TENM3: variants seen among roughly 807,000 people sequenced by gnomAD.
TENM3 encodes teneurin transmembrane protein 3, also known as teneurin-3.
TENM3 carries 63 observed loss-of-function variants against 255.1 expected under a neutral mutation model. The observed-to-expected ratio is 0.25, with a 90% CI of 0.20 to 0.30. TENM3 has a LOEUF of 0.30. TENM3 is among the 10% of genes least tolerant of loss of function. The pLI is 1.00. For missense variants in TENM3, 2,929 were observed against 3,461.1 expected, an observed-to-expected ratio of 0.85 and a Z score of 3.86; for synonymous variants, 1,306 against 1,322.3, an observed-to-expected ratio of 0.99 and a Z score of 0.27.
At chr4:181,816,134 C>T in the TENM3 span, among the ~76,000 whole-genome samples, 2 of 152,124 alleles carry the variant, frequency 1.3e-5, no homozygotes, top group Admixed American at 6.5e-5. Flanking sequence ...AACTATAAGA[C>T]GTTTCCACTC....
chr4:182,047,253 T>G, the TENM3 span, among the ~76,000 whole-genome samples: 2 of 152,164 alleles, frequency 1.3e-5, no homozygotes, highest in African/African-American at 4.8e-5. Flanking sequence ...TAGAAAAATC[T>G]CCATAAGTAT....
intron 24 of TENM3, among the ~76,000 whole-genome samples, chr4:182,784,104 C>T (rs1765407637): frequency 1.3e-5 from 2 of 152,352 alleles, no homozygotes; most frequent in Admixed American, 6.5e-5. Context: ...TGAGGAACTG[C>T]ATTCCTTTGG....
At chr4:181,522,998 T>G in the TENM3 span, 1 of 649,058 alleles carries the variant, frequency 1.5e-6, no homozygotes, top group Non-Finnish European at 3.0e-6. Flanking sequence ...GGGAACTCAA[T>G]GCATCAGTCC....
chr4:182,345,871 C>T (rs935893269), intron 2 of TENM3, among the ~76,000 whole-genome samples: 5 of 152,160 alleles, frequency 3.3e-5, no homozygotes, highest in Admixed American at 6.5e-5. Context: ...TTTTTAAATA[C>T]GTAATACTCC....
chr4:182,681,827 C>A lies in TENM3; in HGVS notation c.1848C>A (p.Asp616Glu), dbSNP rs534634333. The change falls in exon 11 of 28, where the codon GAC becomes GAA. Residue 616 changes from aspartate (D) to glutamate (E), a missense_variant. Asp to Glu is a conservative substitution (Grantham distance 45, BLOSUM62 2). Transcript: ENST00000511685. ...TCTTTACACCAGCTGACTGTATAGA[C>A]CCTGGGTGTTCTAATCATGGTGTGT... Reference protein sequence around the residue: ...GESCEEADCIDPGCSNHGVCI... With the variant: ...GESCEEADCIEPGCSNHGVCI... The A allele has an allele frequency of 1.1e-5, 18 of 1,613,252 alleles. No homozygotes were observed. The South Asian group carries it at 1.8e-4, about 16-fold the overall frequency.
chr4:182,554,107 A>G (rs1290764045), intron 3 of TENM3, among the ~76,000 whole-genome samples: 2 of 152,192 alleles, frequency 1.3e-5, no homozygotes, highest in Non-Finnish European at 2.9e-5. Flanking sequence ...CTAAAAAGGG[A>G]TAATAATTGC....
chr4:182,360,868 C>G (rs544315788), intron 3 of TENM3, among the ~76,000 whole-genome samples: 3 of 152,152 alleles, frequency 2.0e-5, no homozygotes, highest in African/African-American at 7.2e-5. Context: ...ACTAGTTGTT[C>G]CTTTCCATGT....
chr4:182,041,361 A>T, the TENM3 span, among the ~76,000 whole-genome samples: 37,576 of 151,888 alleles, frequency 0.25, 5,256 homozygotes, highest in African/African-American at 0.39. Context: ...ATTCTTCAAC[A>T]TTTCACTTTT....
chr4:182,083,626 A>G, the TENM3 span, among the ~76,000 whole-genome samples: 1 of 152,228 alleles, frequency 6.6e-6, no homozygotes, highest in Non-Finnish European at 1.5e-5. Flanking sequence ...AGAAATTTAC[A>G]TGTCAAATCA....
At chr4:182,352,617 A>T (rs1765258227) in intron 3 of TENM3, among the ~76,000 whole-genome samples, 1 of 152,186 alleles carries the variant, frequency 6.6e-6, no homozygotes, top group African/African-American at 2.4e-5. Flanking sequence ...AAAGGGTATA[A>T]CATTAAAGTG....
the TENM3 span, among the ~76,000 whole-genome samples, chr4:181,777,359 A>C: frequency 6.6e-6 from 1 of 152,046 alleles, no homozygotes; most frequent in Admixed American, 6.6e-5. Flanking sequence ...CTCCAGCTTC[A>C]TTCTTTTTGC....
At chr4:182,084,201 A>G in the TENM3 span, among the ~76,000 whole-genome samples, 164 of 152,284 alleles carry the variant, frequency 1.1e-3, no homozygotes, top group African/African-American at 3.8e-3. Context: ...CTGGGGGGAA[A>G]AAATAAGCTG....
At chr4:181,546,715 G>GAA in the TENM3 span, among the ~76,000 whole-genome samples, 508 of 93,498 alleles carry the variant, frequency 5.4e-3, 6 homozygotes, top group African/African-American at 0.022. Flanking sequence ...CTCCGTCTCA[G>GAA]AAAAAAAAAA....
At chr4:182,304,276 G>A (rs1052651684) in intron 1 of TENM3, among the ~76,000 whole-genome samples, 4 of 151,860 alleles carry the variant, frequency 2.6e-5, no homozygotes, top group African/African-American at 4.8e-5. Context: ...GCAGTGGTAC[G>A]ATCTTGGCTT....
the TENM3 span, among the ~76,000 whole-genome samples, chr4:181,680,013 C>T: frequency 6.6e-6 from 1 of 152,114 alleles, no homozygotes; most frequent in Non-Finnish European, 1.5e-5. Flanking sequence ...ATCAATTCCC[C>T]CTCCAAACTG....
chr4:181,850,554 G>GT, the TENM3 span, among the ~76,000 whole-genome samples: 2 of 152,030 alleles, frequency 1.3e-5, no homozygotes, highest in Admixed American at 6.5e-5. Context: ...ATATCGAGAG[G>GT]TTTTTTAGAT....
At chr4:181,914,014 A>G in the TENM3 span, among the ~76,000 whole-genome samples, 3 of 152,194 alleles carry the variant, frequency 2.0e-5, no homozygotes, top group Admixed American at 2.0e-4. Context: ...AGCCTTGTCT[A>G]TTGCGATCAC....
chr4:182,440,272 C>T (rs1356583934), intron 3 of TENM3, among the ~76,000 whole-genome samples: 1 of 152,000 alleles, frequency 6.6e-6, no homozygotes, highest in African/African-American at 2.4e-5. Context: ...CCACCACGCC[C>T]AGCTAATTTT....
At chr4:182,410,999 C>T (rs543161718) in intron 3 of TENM3, among the ~76,000 whole-genome samples, 15 of 152,276 alleles carry the variant, frequency 9.9e-5, no homozygotes, top group African/African-American at 3.6e-4. Context: ...TATTTCCTCC[C>T]TTGTCATTGC....
Sources: gnomAD v4.1 joint callset for allele counts (sites outside exome capture counted in the v4.1 genomes callset) on GRCh38, gnomAD v4.1.1 for gene constraint, MANE v1.5 for transcripts, NCBI Gene and HGNC (gene_info 2026-07-23, HGNC 2026-07-21) for gene names.